STAT6: variants seen among roughly 807,000 people sequenced by gnomAD.
STAT6 encodes STAT, interleukin4-induced.
STAT6 carries 45 observed loss-of-function variants against 106.3 expected under a neutral mutation model. That is an observed-to-expected ratio of 0.42 (90% CI 0.33 to 0.54). The LOEUF (loss-of-function observed/expected upper bound fraction) is 0.54. STAT6 is among the 20% of genes least tolerant of loss of function. The probability of loss-of-function intolerance (pLI) is 0.06; values close to 1 mark genes in which losing one functional copy is unlikely to be tolerated. For missense variants in STAT6, 797 were observed against 1,062.2 expected (o/e 0.75, Z 3.47); for synonymous variants, 413 against 413.6 (o/e 1.00, Z 0.02).
rs1222540868 is a variant in STAT6 at position 57,098,833 on chromosome 12, G to A, written c.2025C>T (p.Ala675=). The change falls in exon 18 of 22, where the codon GCC becomes GCT. Residue 675 remains alanine, a synonymous_variant. Transcript: ENST00000300134. ...GCTGCATGCTCATGGAGGAATCAGG[G>A]GCCATTCCAAGGTCATAAGAAGGCA... The part of the protein sequence containing the change: ...TMVPSYDLGM[A]PDSSMSMQLG... 3 of 1,613,280 alleles carry A rather than the reference G, an allele frequency of 1.9e-6. No individual in the cohort carries two copies. The highest frequency in any genetic ancestry group is 1.7e-5 in the Admixed American group (1 of 59,670).
At chr12:57,100,686 A>AGAGAG (rs2033816532) in intron 13 of STAT6, among the ~76,000 whole-genome samples, 2 of 56,028 alleles carry the variant, frequency 3.6e-5, no homozygotes, top group African/African-American at 1.5e-4. Flanking sequence ...GAAAGAAAGA[A>AGAGAG]AGAAAGAAAG....
At chr12:57,098,338 C>T (rs2033584295) in intron 19 of STAT6, among the ~76,000 whole-genome samples, 167 bp downstream of exon 19, 1 of 152,156 alleles carries the variant, frequency 6.6e-6, no homozygotes, top group Non-Finnish European at 1.5e-5. Context: ...GAATTCAAAC[C>T]TAGGCAGTCC....
intron 12 of STAT6, 40 bp from the exon 13 acceptor site, chr12:57,102,536 G>A (rs370819087): frequency 1.8e-5 from 29 of 1,600,490 alleles, no homozygotes; most frequent in South Asian, 1.1e-4. Context: ...GCAGGCTACC[G>A]TCTTGTTATT....
chr12:57,105,100 C>T, intron 9 of STAT6, 51 bp downstream of exon 9: 1 of 1,559,674 alleles, frequency 6.4e-7, no homozygotes, highest in Non-Finnish European at 8.7e-7. Flanking sequence ...TCCAGGCTGC[C>T]TCCATCACCC....
chr12:57,110,025 C>T (rs571541745), intron 1 of STAT6: 33 of 152,492 alleles, frequency 2.2e-4, no homozygotes, highest in African/African-American at 7.9e-4. Flanking sequence ...GCCCCTCTTT[C>T]CTCCAGTGCC....
intron 8 of STAT6, 53 bp from the exon 9 acceptor site, chr12:57,105,392 C>T: frequency 6.2e-7 from 1 of 1,608,722 alleles, no homozygotes; most frequent in Non-Finnish European, 8.5e-7. Flanking sequence ...CTGCTGGTGC[C>T]CTCCCCACAG....
intron 9 of STAT6, 97 bp from the exon 10 acceptor site, chr12:57,104,910 T>G (rs1057024638): frequency 1.4e-6 from 2 of 1,404,132 alleles, no homozygotes; most frequent in African/African-American, 2.8e-5. Context: ...TCACCAGCCC[T>G]AAATCTCCAT....
At chr12:57,102,990 T>TCC (rs2034044998) in intron 11 of STAT6, 69 bp from the exon 12 acceptor site, 10 of 101,720 alleles carry the variant, frequency 9.8e-5, no homozygotes, top group Admixed American at 2.2e-4. Flanking sequence ...TTTTTTTTTT[T>TCC]TTTTTTTTTT....
At chr12:57,104,953 C>A in intron 9 of STAT6, 140 bp from the exon 10 acceptor site, 1 of 1,212,202 alleles carries the variant, frequency 8.2e-7, no homozygotes, top group Non-Finnish European at 1.2e-6. Flanking sequence ...GAGGAGTCCC[C>A]ATCTTGGCCA....
rs760639049 is a variant in STAT6 at position 57,098,558 on chromosome 12, C to T, written c.2106G>A (p.Pro702=). 1.5e-5 allele frequency: 24 copies of T among 1,613,942 alleles called. No individual in the cohort carries two copies. Among genetic ancestry groups the T allele is most frequent in the South Asian group, 4.4e-5 (4 of 91,094 alleles). ...ATTCTTCTGGGGAGAGGCCTTGATA[C>T]GGGGGGATGGAGTGAGAGTGTGGTG... ...VYPPHSHSIP[P]YQGLSPEESV... is the part of the protein sequence containing the mutation. The change falls in exon 19 of 22, where the codon CCG becomes CCA. Residue 702 remains proline, a synonymous_variant. Coordinates refer to ENST00000300134, the MANE Select transcript of STAT6 (RefSeq NM_003153.5).
intron 7 of STAT6, 116 bp downstream of exon 7, chr12:57,106,075 C>A: frequency 6.5e-7 from 1 of 1,526,732 alleles, no homozygotes; most frequent in Non-Finnish European, 8.8e-7. Flanking sequence ...TTTTATGCAT[C>A]TTGGTCCACT....
chr12:57,100,499 A>T (rs1045846938), intron 13 of STAT6, among the ~76,000 whole-genome samples: 1 of 152,050 alleles, frequency 6.6e-6, no homozygotes, highest in African/African-American at 2.4e-5. Context: ...GGCAGAGGTG[A>T]CGCCCAAAGG....
chr12:57,106,288 C>T lies in STAT6; in HGVS notation c.583G>A (p.Ala195Thr), dbSNP rs2034273097. 6.2e-7 allele frequency: 1 copy of T among 1,614,240 alleles called. No homozygotes were observed. Residue 195 changes from alanine (A) to threonine (T), a missense_variant, in exon 7 of 22, where the codon GCC (alanine) becomes ACC (threonine). Ala to Thr is a moderately conservative substitution (Grantham distance 58). Transcript: ENST00000300134. Reference sequence around the variant, plus strand: ...ATCTGGATCCTCTTCAGCACTAGGGCTTTGGCTGCCTCTAGCTCTCCAGTG... The same window carrying T: ...ATCTGGATCCTCTTCAGCACTAGGGTTTTGGCTGCCTCTAGCTCTCCAGTG... ...ETTGELEAAK[A>T]LVLKRIQIWK...
At chr12:57,097,736 CAGTA>C (rs1437106951) in intron 19 of STAT6, among the ~76,000 whole-genome samples, 1 of 152,060 alleles carries the variant, frequency 6.6e-6, no homozygotes, top group Non-Finnish European at 1.5e-5. Flanking sequence ...CCAGCTTGGG[CAGTA>C]AGTGAGACCT....
At chr12:57,110,283 G>T (rs1378381241) in intron 1 of STAT6, 1 of 152,312 alleles carries the variant, frequency 6.6e-6, no homozygotes, top group Non-Finnish European at 1.5e-5. Context: ...ACAAGGCTGG[G>T]TCGATTGGCT....
intron 13 of STAT6, among the ~76,000 whole-genome samples, chr12:57,100,692 GAAAGAAAGAGAAAGAA>G (rs1260094679): frequency 0.022 from 1,097 of 49,636 alleles, 6 homozygotes; most frequent in Middle Eastern, 0.03. Flanking sequence ...AAGAAAGAAA[GAAAGAAAGAGAAAGAA>G]AGAAAGAAAG....
Position 57,099,580 on chromosome 12 carries a change from A to G in STAT6, c.1745-140T>C, listed in dbSNP as rs1592549075. ...TGGGGCTCCTGAGGGAGAGAGACCC[A>G]CTAGTCTCCGTTCCCACAGAGCTCA... On this transcript the variant is annotated intron_variant, in intron 15 of 21. Transcript: ENST00000300134. The surrounding 1 kb of genome is among the most constrained non-coding windows in gnomAD (Gnocchi z 4.7). 1.4e-6 allele frequency: 2 copies of G among 1,384,192 alleles called. No individual in the cohort carries two copies. Among genetic ancestry groups the G allele is most frequent in the Admixed American group, 2.2e-5 (1 of 46,268 alleles). The allele number at this position is 1,384,192 out of a possible 1,614,324, so 85.7% of individuals were successfully genotyped here. A position where few individuals can be genotyped will look rare whatever the true frequency, so the allele number is the denominator to read the frequency against.
At chr12:57,100,541 C>T (rs2033755876) in intron 13 of STAT6, among the ~76,000 whole-genome samples, 1 of 151,830 alleles carries the variant, frequency 6.6e-6, no homozygotes, top group Non-Finnish European at 1.5e-5. Context: ...CTGTCTTGCT[C>T]CCTTTAGCTA....
In STAT6 at chr12:57,106,543, C is replaced by A; in HGVS notation, c.516G>T (p.Gly172=). The A allele has an allele frequency of 1.9e-6, 3 of 1,614,184 alleles. No individual in the cohort carries two copies. Among genetic ancestry groups the A allele is most frequent in the South Asian group, 1.1e-5 (1 of 91,064 alleles). Residue 172 remains glycine (G), a synonymous_variant, in exon 6 of 22, where the codon GGG becomes GGT. Coordinates refer to ENST00000300134, the MANE Select transcript of STAT6 (RefSeq NM_003153.5). ...LHSLIETPAN[G]TGPSEALAML... ...CATTACTCACCTCACTTGGCCCAGT[C>A]CCATTAGCAGGAGTTTCTATCAAGC...
Sources: gnomAD v4.1 joint callset for allele counts (sites outside exome capture counted in the v4.1 genomes callset) on GRCh38, gnomAD v4.1.1 for gene constraint, Gnocchi (gnomAD v3.1) non-coding constraint, MANE v1.5 for transcripts, NCBI Gene and HGNC (gene_info 2026-07-23, HGNC 2026-07-21) for gene names.